The following ACTR3C variants were observed in gnomAD, a reference collection of about 807,000 sequenced individuals.
ACTR3C encodes actin related protein 3C.
Under a neutral mutation model 26.3 loss-of-function variants are expected in ACTR3C, and 18 were observed. The ratio of observed to expected loss-of-function variants is 0.68; its 90% CI spans 0.47 to 1.01. ACTR3C has a LOEUF of 1.01. Among genes scored for constraint, ACTR3C ranks in the 50% least tolerant of loss-of-function variants. The probability of loss-of-function intolerance (pLI) is 0.00; values close to 1 mark genes in which losing one functional copy is unlikely to be tolerated. For missense variants in ACTR3C, 184 were observed against 250.7 expected, an observed-to-expected ratio of 0.73 and a Z score of 1.80; for synonymous variants, 55 against 94.5, an observed-to-expected ratio of 0.58 and a Z score of 2.42.
intron 6 of ACTR3C, among the ~76,000 whole-genome samples, chr7:150,261,939 T>C (rs1457887808): frequency 6.6e-6 from 1 of 150,808 alleles, no homozygotes; most frequent in Non-Finnish European, 1.5e-5. Flanking sequence ...GATGTAGAGT[T>C]GCAAAATTTT....
At chr7:150,025,151 T>C in the ACTR3C span, among the ~76,000 whole-genome samples, 1 of 147,598 alleles carries the variant, frequency 6.8e-6, no homozygotes, top group Non-Finnish European at 1.5e-5. Context: ...TCTTCCATCT[T>C]GCCAGTTTTC....
the ACTR3C span, among the ~76,000 whole-genome samples, chr7:150,136,048 C>T: frequency 6.6e-6 from 1 of 151,938 alleles, no homozygotes; most frequent in Non-Finnish European, 1.5e-5. Context: ...CCCAAGCAGC[C>T]TACTGTTCCT....
the ACTR3C span, among the ~76,000 whole-genome samples, chr7:149,999,826 T>C: frequency 6.6e-6 from 1 of 151,988 alleles, no homozygotes; most frequent in Non-Finnish European, 1.5e-5. Flanking sequence ...CCGTGGGTCT[T>C]TCCTCTCAGA....
At chr7:150,075,535 C>T in the ACTR3C span, among the ~76,000 whole-genome samples, 3 of 152,154 alleles carry the variant, frequency 2.0e-5, no homozygotes, top group Non-Finnish European at 1.5e-5. Flanking sequence ...GTGTTAAATA[C>T]TGATGATGCC....
intron 7 of ACTR3C, 54 bp downstream of exon 7, chr7:150,248,894 G>T: frequency 2.1e-6 from 1 of 466,432 alleles, no homozygotes; most frequent in Non-Finnish European, 3.8e-6. Flanking sequence ...GAAAAAAATA[G>T]AAAATTTCAG....
At chr7:149,984,083 GAGT>G in the ACTR3C span, among the ~76,000 whole-genome samples, 1 of 152,158 alleles carries the variant, frequency 6.6e-6, no homozygotes. Flanking sequence ...TTTATGGAGA[GAGT>G]AGATCTCATG....
chr7:150,286,646 G>C lies in ACTR3C; in HGVS notation c.298-106C>G, dbSNP rs1205099034. The C allele has an allele frequency of 4.1e-6, 6 of 1,464,652 alleles. No individual in the cohort carries two copies. In the South Asian group the frequency reaches 5.4e-5, roughly 13 times the overall value. 90.7% of individuals were successfully genotyped at this position (1,464,652 alleles called of 1,614,324 possible). ...ATGCAGTAAACACACCCTGGGATCAGAACCGCCCCCACCGTTACTCTAGTG... is the reference window on the plus strand; with the variant it reads ...ATGCAGTAAACACACCCTGGGATCACAACCGCCCCCACCGTTACTCTAGTG... On this transcript the variant is annotated intron_variant, in intron 4 of 7. Transcript: ENST00000683684.
At chr7:149,999,458 T>C in the ACTR3C span, among the ~76,000 whole-genome samples, 1 of 150,376 alleles carries the variant, frequency 6.6e-6, no homozygotes, top group Non-Finnish European at 1.5e-5. Context: ...GAACAAGCGA[T>C]CATTGCTGCT....
At chr7:150,131,548 G>T in the ACTR3C span, among the ~76,000 whole-genome samples, 1 of 152,034 alleles carries the variant, frequency 6.6e-6, no homozygotes, top group East Asian at 1.9e-4. Flanking sequence ...GAAAAAAAAT[G>T]GCTGAATCTT....
the ACTR3C span, among the ~76,000 whole-genome samples, chr7:150,233,592 C>T: frequency 1.3e-5 from 2 of 151,924 alleles, no homozygotes; most frequent in East Asian, 1.9e-4. Context: ...TCATTCTTTC[C>T]TCAAACTTGT....
chr7:150,133,458 G>A, the ACTR3C span, among the ~76,000 whole-genome samples: 1 of 152,092 alleles, frequency 6.6e-6, no homozygotes, highest in African/African-American at 2.4e-5. Context: ...AGGAGCTCCT[G>A]GAGTTCAAAC....
chr7:150,245,463 C>T (rs1832413769), downstream of ACTR3C: 1 of 152,212 alleles, frequency 6.6e-6, no homozygotes, highest in Admixed American at 6.5e-5. Context: ...CAGGTTAGCA[C>T]AGCTGGAGAA....
the ACTR3C span, among the ~76,000 whole-genome samples, chr7:149,956,354 C>G: frequency 1.3e-5 from 2 of 152,138 alleles, no homozygotes; most frequent in South Asian, 4.1e-4. Flanking sequence ...TCCAGGAGTT[C>G]GAGACCAACC....
At chr7:150,234,273 T>C in the ACTR3C span, among the ~76,000 whole-genome samples, 1 of 152,176 alleles carries the variant, frequency 6.6e-6, no homozygotes, top group Non-Finnish European at 1.5e-5. Context: ...GCTTCTCCCC[T>C]TACAAGGAAC....
chr7:150,012,402 C>T, the ACTR3C span, among the ~76,000 whole-genome samples: 13 of 151,052 alleles, frequency 8.6e-5, no homozygotes, highest in African/African-American at 3.2e-4. Context: ...GCAAGCTCTG[C>T]CTCCCGGGTT....
chr7:150,302,917 A>G (rs1362603741), intron 1 of ACTR3C: 1 of 152,208 alleles, frequency 6.6e-6, no homozygotes, highest in African/African-American at 2.4e-5. Flanking sequence ...AGGCTCCCTA[A>G]CATGGGTGAC....
chr7:149,919,324 G>A, the ACTR3C span, among the ~76,000 whole-genome samples: 1 of 150,668 alleles, frequency 6.6e-6, no homozygotes, highest in Non-Finnish European at 1.5e-5. Context: ...CCCTGCAACT[G>A]CCACCTCCCG....
the ACTR3C span, among the ~76,000 whole-genome samples, chr7:150,039,577 T>TCCCCGCCTCGCGGGGGGTGCCTCCCCCC: frequency 7.0e-6 from 1 of 143,364 alleles, no homozygotes; most frequent in African/African-American, 2.6e-5. Flanking sequence ...TGGCTCTCAG[T>TCCCCGCCTCGCGGGGGGTGCCTCCCCCC]AATCCCACGT....
the ACTR3C span, among the ~76,000 whole-genome samples, chr7:150,003,368 G>GTGTGC: frequency 0.013 from 1 of 80 alleles, no homozygotes; most frequent in East Asian, 0.5. Flanking sequence ...GGTGTGTGCT[G>GTGTGC]TGTGTGTGAT....
Sources: gnomAD v4.1 joint callset for allele counts (sites outside exome capture counted in the v4.1 genomes callset) on GRCh38, gnomAD v4.1.1 for gene constraint, MANE v1.5 for transcripts, NCBI Gene and HGNC (gene_info 2026-07-23, HGNC 2026-07-21) for gene names.